The following GFRA2 variants were observed in gnomAD, a reference collection of about 807,000 sequenced individuals.
GFRA2 encodes the protein GDNF family receptor alpha 2.
GFRA2 carries 17 observed loss-of-function variants against 48.3 expected under a neutral mutation model. The ratio of observed to expected loss-of-function variants is 0.35; its 90% CI spans 0.24 to 0.53. The LOEUF (loss-of-function observed/expected upper bound fraction) is 0.53. GFRA2 is among the 20% of genes least tolerant of loss of function. The probability of loss-of-function intolerance (pLI) is 0.93; values close to 1 mark genes in which losing one functional copy is unlikely to be tolerated. For synonymous variants in GFRA2, 305 were observed against 257.2 expected (o/e 1.19, Z -1.78); for missense variants, 660 against 637.3 (o/e 1.04, Z -0.38).
intron 4 of GFRA2, among the ~76,000 whole-genome samples, chr8:21,732,071 A>G (rs1025530654): frequency 1.3e-5 from 2 of 152,250 alleles, no homozygotes; most frequent in Admixed American, 6.5e-5. Flanking sequence ...GGCCCAATGC[A>G]GGGGCGAGTG....
chr8:21,716,907 T>C (rs138007165), intron 4 of GFRA2, among the ~76,000 whole-genome samples: 44 of 152,324 alleles, frequency 2.9e-4, no homozygotes, highest in African/African-American at 1.1e-3. Context: ...GGTAAGATTC[T>C]CATTAAGAGA....
At chr8:21,795,186 A>T (rs927870350) in intron 2 of GFRA2, among the ~76,000 whole-genome samples, 43 of 152,258 alleles carry the variant, frequency 2.8e-4, no homozygotes, top group Admixed American at 2.4e-3. Flanking sequence ...GCAGATGGGA[A>T]GTTGCTCTGA....
intron 4 of GFRA2, among the ~76,000 whole-genome samples, chr8:21,734,488 T>C (rs1804352682): frequency 6.6e-6 from 1 of 152,204 alleles, no homozygotes; most frequent in African/African-American, 2.4e-5. Context: ...TTCACAGTGG[T>C]TCTCTTTTTT....
upstream of GFRA2, chr8:21,790,133 C>T (rs1807523844): frequency 1.0e-6 from 1 of 982,296 alleles, no homozygotes; most frequent in Non-Finnish European, 1.2e-6. Context: ...AAGCGTCTGG[C>T]TGGGAAAGGG....
At chr8:21,773,249 G>A (rs754910592) in intron 3 of GFRA2, among the ~76,000 whole-genome samples, 3 of 152,218 alleles carry the variant, frequency 2.0e-5, no homozygotes, top group Non-Finnish European at 4.4e-5. Flanking sequence ...CAGCATGGGA[G>A]CTGCTCTGAG....
At chr8:21,784,271 G>A (rs1807158373) in intron 1 of GFRA2, 3 of 456,126 alleles carry the variant, frequency 6.6e-6, no homozygotes, top group Admixed American at 4.7e-5. Context: ...CCTCTGATAA[G>A]CCCCTAACTC....
rs1342951023 is a variant in GFRA2, at chr8:21,712,999, AAGAGGGAGAGGGAGACGAGGG to A, written c.795-6979_795-6959del. Among the ~76,000 whole-genome samples, 28 of 149,564 alleles carry A rather than the reference AAGAGGGAGAGGGAGACGAGGG, an allele frequency of 1.9e-4. 1 individual carries two copies. Among genetic ancestry groups the A allele is most frequent in the Admixed American group, 6.6e-4 (10 of 15,078 alleles). On this transcript the variant is annotated intron_variant, in intron 4 of 8. Transcript: ENST00000524240. ...CTCGGCATCAGAGGGAGACCGTGGA[AAGAGGGAGAGGGAGACGAGGG>A]AGAGGGAGAGGGAGACGAGGGAGAG... is the stretch of plus-strand genomic sequence containing the variant.
At chr8:21,705,721 C>G (rs1406218276) in intron 5 of GFRA2, among the ~76,000 whole-genome samples, 1 of 152,224 alleles carries the variant, frequency 6.6e-6, no homozygotes, top group African/African-American at 2.4e-5. Context: ...CCCTGGGGCC[C>G]TCCTTCCCCC....
chr8:21,788,263 A>C lies in GFRA2; in HGVS notation c.-104T>G. The C allele has an allele frequency of 6.8e-7, 1 of 1,474,702 alleles. No homozygotes were observed. The highest frequency in any genetic ancestry group is 1.4e-5 in the South Asian group (1 of 71,514). 91.4% of individuals were successfully genotyped at this position (1,474,702 alleles called of 1,614,324 possible). The stretch of plus-strand genomic sequence containing the variant: ...TAGGCAAGCAGTGGTAATCAGCCCC[A>C]AATCCAATGCGGAGATCCCAGCTAG... On this transcript the variant is annotated 5_prime_UTR_variant, in exon 1 of 9. Transcript: ENST00000524240.
At chr8:21,720,577 TCC>T (rs1360401832) in intron 4 of GFRA2, among the ~76,000 whole-genome samples, 1 of 152,174 alleles carries the variant, frequency 6.6e-6, no homozygotes, top group African/African-American at 2.4e-5. Context: ...TACTGATCTC[TCC>T]CATCTCATCT....
At chr8:21,746,517 C>T (rs1264897223) in intron 4 of GFRA2, among the ~76,000 whole-genome samples, 1 of 152,146 alleles carries the variant, frequency 6.6e-6, no homozygotes, top group Non-Finnish European at 1.5e-5. Flanking sequence ...TACTCAGGAT[C>T]CCAGGCCTCC....
intron 4 of GFRA2, among the ~76,000 whole-genome samples, chr8:21,737,054 C>T (rs1164541792): frequency 6.6e-6 from 1 of 152,142 alleles, no homozygotes; most frequent in Non-Finnish European, 1.5e-5. Context: ...TTCCCCAATA[C>T]TCCTCTGATG....
At chr8:21,747,798 A>G (rs576260641) in intron 4 of GFRA2, among the ~76,000 whole-genome samples, 1 of 149,524 alleles carries the variant, frequency 6.7e-6, no homozygotes, top group Non-Finnish European at 1.5e-5. Context: ...ACACACACAC[A>G]CACGCATGCA....
At chr8:21,769,267 C>T in intron 3 of GFRA2, 1 of 550,144 alleles carries the variant, frequency 1.8e-6, no homozygotes, top group Non-Finnish European at 2.3e-6. Context: ...CGCCCCTGCC[C>T]TGCCCCTTCC....
At chr8:21,735,250 T>A (rs1273983901) in intron 4 of GFRA2, among the ~76,000 whole-genome samples, 1 of 152,202 alleles carries the variant, frequency 6.6e-6, no homozygotes, top group Non-Finnish European at 1.5e-5. Context: ...TTGCATCCCA[T>A]GGAGTCCATC....
intron 4 of GFRA2, among the ~76,000 whole-genome samples, chr8:21,742,983 T>C (rs1310193457): frequency 6.6e-6 from 1 of 152,232 alleles, no homozygotes; most frequent in Admixed American, 6.5e-5. Flanking sequence ...TCTTGTAAAC[T>C]AGAGCTCTGA....
chr8:21,752,290 G>A (rs892478182), intron 3 of GFRA2, among the ~76,000 whole-genome samples: 1 of 152,020 alleles, frequency 6.6e-6, no homozygotes, highest in African/African-American at 2.4e-5. Context: ...CCTGTCCCTT[G>A]CTCTCCTCCC....
In GFRA2 at chr8:21,693,374, A is replaced by G; in HGVS notation, c.1299T>C (p.Ser433=). ...CTGAGTTAGGTTTGATCACCTTGTTACTCCCTGGGATGATATTTGTCGTGA... is the reference window on the plus strand; with the variant it reads ...CTGAGTTAGGTTTGATCACCTTGTTGCTCCCTGGGATGATATTTGTCGTGA... ...TELTTNIIPG[S]NKVIKPNSGP... Residue 433 remains serine, a synonymous_variant, in exon 9 of 9, where the codon AGT becomes AGC. Coordinates refer to ENST00000524240, the MANE Select transcript of GFRA2 (RefSeq NM_001495.5). 1 of 1,612,136 alleles carries G rather than the reference A, an allele frequency of 6.2e-7. No individual in the cohort carries two copies. The highest frequency in any genetic ancestry group is 1.1e-5 in the South Asian group (1 of 90,740).
In GFRA2 at chr8:21,788,238, T is replaced by G; in HGVS notation, c.-79A>C. The stretch of plus-strand genomic sequence containing the variant: ...ATAGTAGTAACAACAACAATAATAA[T>G]AGGCAAGCAGTGGTAATCAGCCCCA... On this transcript the variant is annotated 5_prime_UTR_variant, in exon 1 of 9. Coordinates refer to ENST00000524240, the MANE Select transcript of GFRA2 (RefSeq NM_001495.5). The G allele has an allele frequency of 6.4e-7, 1 of 1,565,926 alleles. No homozygotes were observed. Among genetic ancestry groups the G allele is most frequent in the Non-Finnish European group, 8.6e-7 (1 of 1,156,794 alleles).
Sources: gnomAD v4.1 joint callset for allele counts (sites outside exome capture counted in the v4.1 genomes callset) on GRCh38, gnomAD v4.1.1 for gene constraint, MANE v1.5 for transcripts, NCBI Gene and HGNC (gene_info 2026-07-23, HGNC 2026-07-21) for gene names.